CPQ: variants seen among roughly 807,000 people sequenced by gnomAD.
CPQ encodes the protein Ser-Met dipeptidase.
In CPQ, 37 loss-of-function variants were observed where a neutral mutation model predicts 45.7. The observed-to-expected ratio is 0.81, with a 90% CI of 0.62 to 1.07. CPQ has a LOEUF of 1.07. Among genes scored for constraint, CPQ ranks in the 50% least tolerant of loss-of-function variants. CPQ has a pLI of 0.00. For synonymous variants in CPQ, 186 were observed against 205.8 expected (o/e 0.90, Z 0.82); for missense variants, 537 against 572.9 (o/e 0.94, Z 0.64).
chr8:96,936,699 A>T (rs1813054991), intron 4 of CPQ, among the ~76,000 whole-genome samples: 1 of 152,214 alleles, frequency 6.6e-6, no homozygotes, highest in Non-Finnish European at 1.5e-5. Flanking sequence ...ATTTAGAAAC[A>T]TCAGAAGTTT....
At chr8:96,980,142 A>C (rs1813865093) in intron 5 of CPQ, among the ~76,000 whole-genome samples, 1 of 152,058 alleles carries the variant, frequency 6.6e-6, no homozygotes, top group African/African-American at 2.4e-5. Flanking sequence ...ATCATTATAT[A>C]TAGATTTTGA....
At chr8:96,939,985 G>A (rs1350680667) in intron 4 of CPQ, among the ~76,000 whole-genome samples, 1 of 151,994 alleles carries the variant, frequency 6.6e-6, no homozygotes, top group Non-Finnish European at 1.5e-5. Flanking sequence ...CATGGTATTT[G>A]CAGAAGGCTT....
chr8:96,784,503 C>A (rs3763558), intron 1 of CPQ, among the ~76,000 whole-genome samples: 24,697 of 151,798 alleles, frequency 0.16, 2,446 homozygotes, highest in African/African-American at 0.27. Flanking sequence ...GTGGAGGGAG[C>A]AAGGACACCC....
intron 4 of CPQ, among the ~76,000 whole-genome samples, chr8:96,923,719 A>T (rs910189179): frequency 6.6e-6 from 1 of 152,232 alleles, no homozygotes; most frequent in Admixed American, 6.5e-5. Flanking sequence ...TATTCAAAGC[A>T]GACCCTATAA....
intron 1 of CPQ, among the ~76,000 whole-genome samples, chr8:96,744,952 A>G (rs1810154926): frequency 6.6e-6 from 1 of 152,194 alleles, no homozygotes; most frequent in Non-Finnish European, 1.5e-5. Context: ...TCCACATCCT[A>G]TTATTTTGAA....
intron 1 of CPQ, among the ~76,000 whole-genome samples, chr8:96,691,671 C>T (rs1039042619): frequency 3.9e-5 from 6 of 152,076 alleles, no homozygotes; most frequent in South Asian, 2.1e-4. Context: ...AAAAATAAAG[C>T]GGAGTCATTT....
chr8:97,037,751 A>C (rs1810028197), intron 6 of CPQ, among the ~76,000 whole-genome samples: 1 of 152,176 alleles, frequency 6.6e-6, no homozygotes. Context: ...CCTGTGTAGA[A>C]TTCCATTATG....
intron 5 of CPQ, among the ~76,000 whole-genome samples, chr8:96,976,247 C>CAAAAAAAAAAA (rs55864086): frequency 2.3e-4 from 14 of 60,842 alleles, no homozygotes; most frequent in East Asian, 6.3e-4. Context: ...CAATAGCTGA[C>CAAAAAAAAAAA]AAAAAAAAAA....
chr8:97,038,864 C>T (rs1179861184), intron 6 of CPQ, among the ~76,000 whole-genome samples: 2 of 146,994 alleles, frequency 1.4e-5, no homozygotes, highest in African/African-American at 5.0e-5. Flanking sequence ...AAAGGCAGGT[C>T]AGATAGTTTA....
At chr8:96,971,367 ATCTGAG>A (rs1813676072) in intron 5 of CPQ, among the ~76,000 whole-genome samples, 1 of 152,218 alleles carries the variant, frequency 6.6e-6, no homozygotes, top group Non-Finnish European at 1.5e-5. Flanking sequence ...TATCCACACT[ATCTGAG>A]TCTATTTTTT....
At chr8:96,967,862 C>T (rs1291883824) in intron 5 of CPQ, among the ~76,000 whole-genome samples, 1 of 152,138 alleles carries the variant, frequency 6.6e-6, no homozygotes, top group Non-Finnish European at 1.5e-5. Flanking sequence ...CCTCTCTGTG[C>T]CTCAATTTTC....
intron 4 of CPQ, among the ~76,000 whole-genome samples, chr8:96,925,718 T>G (rs1232178749): frequency 1.5e-5 from 2 of 137,136 alleles, no homozygotes; most frequent in Admixed American, 1.5e-4. Context: ...TGAGACGGAG[T>G]CTTGCTCTGT....
intron 6 of CPQ, among the ~76,000 whole-genome samples, chr8:97,062,521 A>C (rs1313016227): frequency 6.6e-6 from 1 of 152,196 alleles, no homozygotes; most frequent in Non-Finnish European, 1.5e-5. Flanking sequence ...GGTTTGTTAC[A>C]TAGGGAAACT....
chr8:96,743,928 T>C (rs1317247887), intron 1 of CPQ, among the ~76,000 whole-genome samples: 1 of 152,202 alleles, frequency 6.6e-6, no homozygotes, highest in Admixed American at 6.5e-5. Flanking sequence ...GCTGTCTTTT[T>C]GTTTGTCTGT....
At chr8:96,656,114 A>G (rs1370893008) in intron 1 of CPQ, among the ~76,000 whole-genome samples, 1 of 152,206 alleles carries the variant, frequency 6.6e-6, no homozygotes, top group Non-Finnish European at 1.5e-5. Context: ...TTGGCCTCCC[A>G]AAATGCTGGA....
chr8:96,822,585 A>G (rs1811323557), intron 2 of CPQ, among the ~76,000 whole-genome samples: 1 of 151,938 alleles, frequency 6.6e-6, no homozygotes, highest in Admixed American at 6.6e-5. Flanking sequence ...CTGCCAACAC[A>G]AATTCTAACT....
intron 3 of CPQ, among the ~76,000 whole-genome samples, chr8:96,838,152 G>A (rs1422948440): frequency 6.6e-6 from 1 of 152,060 alleles, no homozygotes. Flanking sequence ...CACATACATC[G>A]TTCTGTGCAT....
At chr8:96,824,196 G>T (rs1340189432) in intron 2 of CPQ, among the ~76,000 whole-genome samples, 1 of 151,986 alleles carries the variant, frequency 6.6e-6, no homozygotes, top group Non-Finnish European at 1.5e-5. Context: ...GTTAGAAATA[G>T]ATCTCCATCA....
intron 7 of CPQ, among the ~76,000 whole-genome samples, chr8:97,118,095 A>C (rs1404953314): frequency 6.6e-6 from 1 of 152,236 alleles, no homozygotes; most frequent in Non-Finnish European, 1.5e-5. Context: ...TAGAGAGTCA[A>C]AAAGATAAAG....
Sources: allele counts gnomAD v4.1 joint callset (sites outside exome capture counted in the v4.1 genomes callset), GRCh38; gene constraint gnomAD v4.1.1; transcripts MANE v1.5; gene names NCBI Gene and HGNC (gene_info 2026-07-23, HGNC 2026-07-21).